SPATA17: variants seen among roughly 807,000 people sequenced by gnomAD.
SPATA17 encodes the protein spermatogenesis associated 17.
Under a neutral mutation model 62.2 loss-of-function variants are expected in SPATA17, and 53 were observed. That is an observed-to-expected ratio of 0.85 (90% CI 0.68 to 1.07). The LOEUF (loss-of-function observed/expected upper bound fraction) is 1.07, where lower values mean the gene tolerates loss of function less well. SPATA17 is among the 50% of genes least tolerant of loss of function. The pLI is 0.00. For synonymous variants in SPATA17, 146 were observed against 146.8 expected, an observed-to-expected ratio of 0.99 and a Z score of 0.04; for missense variants, 466 against 425.5, an observed-to-expected ratio of 1.10 and a Z score of -0.84.
chr1:217,857,909 C>T (rs950471120), intron 9 of SPATA17, among the ~76,000 whole-genome samples: 2 of 152,064 alleles, frequency 1.3e-5, no homozygotes, highest in African/African-American at 2.4e-5. Flanking sequence ...CAGATAAGAC[C>T]AAGTTTTGGT....
At chr1:217,780,487 G>T (rs1673705464) in intron 7 of SPATA17, among the ~76,000 whole-genome samples, 1 of 152,044 alleles carries the variant, frequency 6.6e-6, no homozygotes, top group Admixed American at 6.6e-5. Context: ...TCATTTTGTA[G>T]TCTCATTGGA....
chr1:217,799,536 G>A (rs1674250488), intron 8 of SPATA17, among the ~76,000 whole-genome samples: 1 of 152,068 alleles, frequency 6.6e-6, no homozygotes, highest in African/African-American at 2.4e-5. Flanking sequence ...CTTTTCCCAA[G>A]AGCATACGTA....
chr1:217,712,128 C>CTTTTTTTTTTTTTTTTTTTTTTTTTT (rs551988828), intron 5 of SPATA17, among the ~76,000 whole-genome samples: 4 of 134,118 alleles, frequency 3.0e-5, no homozygotes, highest in African/African-American at 8.6e-5. Context: ...ACAATATGTT[C>CTTTTTTTTTTTTTTTTTTTTTTTTTT]TTTTGTTTTT....
chr1:217,676,217 A>T (rs1670943723), intron 4 of SPATA17, among the ~76,000 whole-genome samples: 1 of 152,166 alleles, frequency 6.6e-6, no homozygotes, highest in South Asian at 2.1e-4. Context: ...TATTGCCAGC[A>T]TCAGGATTTG....
intron 4 of SPATA17, among the ~76,000 whole-genome samples, chr1:217,674,595 T>C (rs1261247320): frequency 6.6e-6 from 1 of 152,218 alleles, no homozygotes. Flanking sequence ...CTAGGTGTGT[T>C]GCCCAAGGGG....
chr1:217,673,361 G>C (rs1437605543), intron 4 of SPATA17, among the ~76,000 whole-genome samples: 1 of 152,056 alleles, frequency 6.6e-6, no homozygotes, highest in Non-Finnish European at 1.5e-5. Context: ...AATTAATATA[G>C]CAATAAATTG....
chr1:217,701,773 CTA>C lies in SPATA17; in HGVS notation c.395+18414_395+18415del, dbSNP rs566902226. Among the ~76,000 whole-genome samples the C allele has an allele frequency of 9.2e-5, 14 of 152,146 alleles. No homozygotes were observed. The East Asian group carries it at 2.5e-3, about 27-fold the overall frequency. ...GCTCGCATTATCTGATTTTCAACAT[CTA>C]TTATTTTCTTTATACTCTTTCGTTT... On this transcript the variant is annotated intron_variant, in intron 5 of 10. Transcript: ENST00000366933.
At chr1:217,757,583 AT>A (rs763491646) in intron 6 of SPATA17, among the ~76,000 whole-genome samples, 8 of 152,202 alleles carry the variant, frequency 5.3e-5, no homozygotes, top group Non-Finnish European at 1.0e-4. Flanking sequence ...AGAGAAGCCC[AT>A]AAAAACATGA....
intron 3 of SPATA17, among the ~76,000 whole-genome samples, chr1:217,653,049 A>G (rs1670361515): frequency 6.6e-6 from 1 of 152,202 alleles, no homozygotes; most frequent in Non-Finnish European, 1.5e-5. Flanking sequence ...GTTTGCTTAG[A>G]GTAATATGAG....
rs184824638 is a variant in SPATA17 at position 217,733,869 on chromosome 1, G to A, written c.396-8106G>A. Among the ~76,000 whole-genome samples, 3 of 152,304 alleles carry A rather than the reference G, an allele frequency of 2.0e-5. No homozygotes were observed. In the East Asian group the frequency reaches 5.8e-4, roughly 29 times the overall value. ...GGTGTGAAACTCAGGCGCAACCTGA[G>A]TGCTTGAGTTAATGACTATGTGCTA... On this transcript the variant is annotated intron_variant, in intron 5 of 10. Coordinates refer to ENST00000366933, the MANE Select transcript of SPATA17 (RefSeq NM_138796.4).
At chr1:217,757,698 A>G (rs1290713407) in intron 6 of SPATA17, among the ~76,000 whole-genome samples, 1 of 152,208 alleles carries the variant, frequency 6.6e-6, no homozygotes, top group Non-Finnish European at 1.5e-5. Context: ...CATGTTCGTC[A>G]GAGCTACTTG....
chr1:217,643,979 C>T (rs918496125), intron 1 of SPATA17, among the ~76,000 whole-genome samples: 8 of 152,064 alleles, frequency 5.3e-5, no homozygotes, highest in Admixed American at 2.6e-4. Flanking sequence ...CTGCCCACCT[C>T]GGCCCCCAAA....
At chr1:217,696,819 T>C (rs1395278477) in intron 5 of SPATA17, among the ~76,000 whole-genome samples, 2 of 152,152 alleles carry the variant, frequency 1.3e-5, no homozygotes, top group Non-Finnish European at 2.9e-5. Context: ...TTCCTTAAGC[T>C]ATGAGATGCT....
At chr1:217,690,997 A>G (rs1020691788) in intron 5 of SPATA17, among the ~76,000 whole-genome samples, 2 of 147,002 alleles carry the variant, frequency 1.4e-5, no homozygotes, top group African/African-American at 2.6e-5. Context: ...TCCTTTGGGT[A>G]TACACCCAGT....
intron 5 of SPATA17, among the ~76,000 whole-genome samples, chr1:217,724,888 A>G (rs1056364594): frequency 6.6e-6 from 1 of 152,144 alleles, no homozygotes; most frequent in African/African-American, 2.4e-5. Context: ...TGTTAAGGAA[A>G]CAAATCCTTT....
intron 9 of SPATA17, among the ~76,000 whole-genome samples, chr1:217,847,639 T>G (rs1353668113): frequency 6.6e-6 from 1 of 152,182 alleles, no homozygotes; most frequent in East Asian, 1.9e-4. Context: ...TATCTAGACT[T>G]GCTTATGGGA....
chr1:217,726,856 T>C (rs146756297), intron 5 of SPATA17, among the ~76,000 whole-genome samples: 6 of 152,262 alleles, frequency 3.9e-5, no homozygotes, highest in African/African-American at 1.4e-4. Flanking sequence ...ATGCTTTCCT[T>C]AAATGGAGTA....
intron 9 of SPATA17, among the ~76,000 whole-genome samples, chr1:217,854,677 C>A (rs1345461504): frequency 6.6e-6 from 1 of 152,008 alleles, no homozygotes; most frequent in African/African-American, 2.4e-5. Flanking sequence ...ACGGAGAGAC[C>A]TGGCACAGCA....
At chr1:217,679,251 C>T (rs890519377) in intron 4 of SPATA17, among the ~76,000 whole-genome samples, 1 of 152,096 alleles carries the variant, frequency 6.6e-6, no homozygotes, top group African/African-American at 2.4e-5. Context: ...GTGGAAAGAG[C>T]GGGCTTTGGA....
Sources: allele counts gnomAD v4.1 joint callset (sites outside exome capture counted in the v4.1 genomes callset), GRCh38; gene constraint gnomAD v4.1.1; transcripts MANE v1.5; gene names NCBI Gene and HGNC (gene_info 2026-07-23, HGNC 2026-07-21).